AJAP1: variants seen among roughly 807,000 people sequenced by gnomAD.
The protein encoded by AJAP1 is adherens junctions associated protein 1.
In AJAP1, 5 loss-of-function variants were observed where a neutral mutation model predicts 35.0. The ratio of observed to expected loss-of-function variants is 0.14; its 90% CI spans 0.07 to 0.30. AJAP1 has a LOEUF of 0.30. AJAP1 is among the 10% of genes least tolerant of loss of function. AJAP1 has a pLI of 1.00. For missense variants in AJAP1, 586 were observed against 571.0 expected (o/e 1.03, Z -0.27); for synonymous variants, 284 against 249.3 (o/e 1.14, Z -1.31).
intron 1 of AJAP1, among the ~76,000 whole-genome samples, chr1:4,706,683 G>A (rs1640108282): frequency 6.6e-6 from 1 of 152,266 alleles, no homozygotes; most frequent in East Asian, 1.9e-4. Flanking sequence ...GGCTCACGCC[G>A]CACACTCCCG....
intron 2 of AJAP1, among the ~76,000 whole-genome samples, chr1:4,718,533 G>A (rs534031680): frequency 1.9e-4 from 28 of 151,142 alleles, no homozygotes; most frequent in African/African-American, 6.3e-4. Context: ...TCACCAGGCT[G>A]GAGTGCAGTG....
At chr1:4,730,925 T>C (rs1252631783) in intron 2 of AJAP1, among the ~76,000 whole-genome samples, 1 of 152,182 alleles carries the variant, frequency 6.6e-6, no homozygotes, top group Non-Finnish European at 1.5e-5. Context: ...ACAAAGTATG[T>C]CCCTGACCCT....
intron 5 of AJAP1, among the ~76,000 whole-genome samples, chr1:4,779,211 C>A (rs1642013624): frequency 6.6e-6 from 1 of 152,130 alleles, no homozygotes; most frequent in African/African-American, 2.4e-5. Context: ...AACTTGAAAT[C>A]AGGGAAGCTG....
intron 2 of AJAP1, among the ~76,000 whole-genome samples, chr1:4,764,636 C>T (rs1262523785): frequency 6.6e-6 from 1 of 152,222 alleles, no homozygotes; most frequent in Non-Finnish European, 1.5e-5. Flanking sequence ...GCATGACAGA[C>T]ATTTTTGTGT....
rs1251226990 is a variant in AJAP1, at chr1:4,772,372, C to T, written c.1010C>T (p.Ser337Leu). Reference protein sequence around the residue: ...ESCQNLTDFPSARVPSSLDIF... With the variant: ...ESCQNLTDFPLARVPSSLDIF... ...TGCCAGAACCTCACGGACTTCCCCT[C>T]GGCCCGGGTGCCCAGCAGCCTGGAC... Residue 337 changes from serine to leucine, a missense_variant, in exon 4 of 6, where the codon TCG becomes TTG. Ser to Leu is a moderately radical substitution (Grantham distance 145). Coordinates refer to ENST00000378191, the MANE Select transcript of AJAP1 (RefSeq NM_018836.4). 4 of 1,614,248 alleles carry T rather than the reference C, an allele frequency of 2.5e-6. No homozygotes were observed. The highest frequency in any genetic ancestry group is 3.4e-6 in the Non-Finnish European group (4 of 1,180,052).
In AJAP1 at chr1:4,783,887, C is replaced by A. The variant is rs1380783407; in HGVS notation, c.*1402C>A. On this transcript the variant is annotated 3_prime_UTR_variant, in exon 6 of 6. Coordinates refer to ENST00000378191, the MANE Select transcript of AJAP1 (RefSeq NM_018836.4). Reference sequence around the variant, plus strand: ...AAATAGTCATTCTGTGTGCAAACCACAAGGCTGCCCCAGTCAGGCAGCGCC... The same window carrying A: ...AAATAGTCATTCTGTGTGCAAACCAAAAGGCTGCCCCAGTCAGGCAGCGCC... 2 of 152,178 alleles carry A rather than the reference C, an allele frequency of 1.3e-5. No homozygotes were observed. Among genetic ancestry groups the A allele is most frequent in the Non-Finnish European group, 2.9e-5 (2 of 68,046 alleles). 9.4% of individuals were successfully genotyped at this position (152,178 alleles called of 1,614,324 possible). A position where few individuals can be genotyped will look rare whatever the true frequency, so the allele number is the denominator to read the frequency against.
intron 1 of AJAP1, among the ~76,000 whole-genome samples, chr1:4,679,044 G>A (rs879837276): frequency 2.0e-5 from 3 of 152,136 alleles, no homozygotes; most frequent in Non-Finnish European, 4.4e-5. Flanking sequence ...GCCCTTAACT[G>A]CTTCATCCTA....
At chr1:4,780,131 CAAAAAAAAAAAAAAAA>C (rs545412869) in intron 5 of AJAP1, among the ~76,000 whole-genome samples, 1 of 92,196 alleles carries the variant, frequency 1.1e-5, no homozygotes, top group African/African-American at 4.5e-5. Context: ...GTGACAGTCT[CAAAAAAAAAAAAAAAA>C]AAAAAAAAAA....
At chr1:4,666,012 CG>C (rs1309025802) in intron 1 of AJAP1, among the ~76,000 whole-genome samples, 1 of 152,170 alleles carries the variant, frequency 6.6e-6, no homozygotes, top group Non-Finnish European at 1.5e-5. Context: ...CTGCCGTTTA[CG>C]GAGCACTGGT....
chr1:4,712,544 C>T lies in AJAP1; in HGVS notation c.674C>T (p.Thr225Met). The change falls in exon 2 of 6, where the codon ACG (threonine) becomes ATG (methionine). Residue 225 changes from threonine to methionine, a missense_variant. Transcript: ENST00000378191. ...GCCGCCACCACCACCACCACCACCACGGCCACCCCCATGACGCTGCAGACT... is the reference window on the plus strand; with the variant it reads ...GCCGCCACCACCACCACCACCACCATGGCCACCCCCATGACGCTGCAGACT... The part of the protein sequence containing the change: ...TVAATTTTTT[T>M]ATPMTLQTKG... 6.2e-6 allele frequency: 10 copies of T among 1,612,758 alleles called. No individual in the cohort carries two copies. Among genetic ancestry groups the T allele is most frequent in the South Asian group, 2.2e-5 (2 of 90,734 alleles).
intron 1 of AJAP1, among the ~76,000 whole-genome samples, chr1:4,689,415 G>C (rs996351859): frequency 1.3e-5 from 2 of 152,202 alleles, no homozygotes; most frequent in African/African-American, 4.8e-5. Flanking sequence ...GAGGCGGAGG[G>C]CCAGGAACGC....
chr1:4,676,029 C>T (rs992157796), intron 1 of AJAP1, among the ~76,000 whole-genome samples: 6 of 152,210 alleles, frequency 3.9e-5, no homozygotes, highest in Middle Eastern at 3.2e-3. Context: ...TCTGTGTCCT[C>T]GTGCAGGGAC....
chr1:4,693,718 A>G lies in AJAP1; in HGVS notation c.30-18182A>G, dbSNP rs528796872. Among the ~76,000 whole-genome samples the G allele has an allele frequency of 3.5e-4, 54 of 152,328 alleles. No individual in the cohort carries two copies. The highest frequency in any genetic ancestry group is 5.7e-4 in the Non-Finnish European group (39 of 68,024). On this transcript the variant is annotated intron_variant, in intron 1 of 5. Coordinates refer to ENST00000378191, the MANE Select transcript of AJAP1 (RefSeq NM_018836.4). The surrounding 1 kb of genome is among the most constrained non-coding windows in gnomAD (Gnocchi z 4.4). ...CTGGAGGCTGGGGCACCCAAGGTCA[A>G]GGGGCCCACGTCTCGCTGGGGCTTC...
At chr1:4,694,929 G>T (rs1159156924) in intron 1 of AJAP1, among the ~76,000 whole-genome samples, 1 of 152,192 alleles carries the variant, frequency 6.6e-6, no homozygotes, top group East Asian at 1.9e-4. Flanking sequence ...ATTATGGGGA[G>T]CCAGGATGGA....
At chr1:4,763,028 G>T (rs1473966184) in intron 2 of AJAP1, among the ~76,000 whole-genome samples, 1 of 152,146 alleles carries the variant, frequency 6.6e-6, no homozygotes, top group East Asian at 1.9e-4. Flanking sequence ...GAAACAACCA[G>T]GGATGGGCTC....
chr1:4,710,061 C>A (rs1186476672), intron 1 of AJAP1, among the ~76,000 whole-genome samples: 1 of 152,106 alleles, frequency 6.6e-6, no homozygotes, highest in East Asian at 1.9e-4. Flanking sequence ...CAGACACACT[C>A]ACACATAGAG....
At chr1:4,673,469 C>T (rs1363023829) in intron 1 of AJAP1, among the ~76,000 whole-genome samples, 1 of 152,160 alleles carries the variant, frequency 6.6e-6, no homozygotes, top group Non-Finnish European at 1.5e-5. Flanking sequence ...AGTGTTGGGA[C>T]AATTGTAAAC....
chr1:4,707,907 C>T (rs1169530230), intron 1 of AJAP1, among the ~76,000 whole-genome samples: 2 of 151,072 alleles, frequency 1.3e-5, no homozygotes, highest in African/African-American at 4.9e-5. Flanking sequence ...GCCAGCACTT[C>T]ATGTTCTCTG....
chr1:4,724,634 T>C (rs1206017842), intron 2 of AJAP1, among the ~76,000 whole-genome samples: 1 of 152,102 alleles, frequency 6.6e-6, no homozygotes, highest in East Asian at 1.9e-4. Flanking sequence ...AGCCCAGGAC[T>C]CCTTGAGGGG....
Sources: gnomAD v4.1 joint callset for allele counts (sites outside exome capture counted in the v4.1 genomes callset) on GRCh38, gnomAD v4.1.1 for gene constraint, Gnocchi (gnomAD v3.1) non-coding constraint, MANE v1.5 for transcripts, NCBI Gene and HGNC (gene_info 2026-07-23, HGNC 2026-07-21) for gene names.